Variants in COL8A1 observed in about 807,000 individuals in gnomAD.
COL8A1 encodes collagen alpha-1(VIII) chain.
In COL8A1, 21 loss-of-function variants were observed where a neutral mutation model predicts 42.7. The observed-to-expected ratio is 0.49, with a 90% CI of 0.35 to 0.71. COL8A1 has a LOEUF of 0.71. Among genes scored for constraint, COL8A1 ranks in the 30% least tolerant of loss-of-function variants. The pLI, the probability that COL8A1 is intolerant of heterozygous loss-of-function variation, is 0.01. For missense variants in COL8A1, 788 were observed against 962.4 expected, an observed-to-expected ratio of 0.82 and a Z score of 2.40; for synonymous variants, 367 against 369.1, an observed-to-expected ratio of 0.99 and a Z score of 0.06.
At chr3:99,740,888 CTG>C (rs1940882154) in intron 1 of COL8A1, among the ~76,000 whole-genome samples, 1 of 151,970 alleles carries the variant, frequency 6.6e-6, no homozygotes, top group Non-Finnish European at 1.5e-5. Flanking sequence ...ATTTATTTAA[CTG>C]TATTGATTTT....
intron 1 of COL8A1, among the ~76,000 whole-genome samples, chr3:99,725,230 G>A (rs1017475135): frequency 1.3e-4 from 20 of 151,890 alleles, no homozygotes; most frequent in African/African-American, 4.8e-4. Flanking sequence ...GATTCTCACC[G>A]AACTCTCCCT....
intron 1 of COL8A1, among the ~76,000 whole-genome samples, chr3:99,661,299 TTAAA>T (rs1232728475): frequency 6.6e-6 from 1 of 152,046 alleles, no homozygotes; most frequent in Non-Finnish European, 1.5e-5. Context: ...AACAAAAGAC[TTAAA>T]TAGATATTTC....
At chr3:99,775,994 A>G (rs1392166627) in intron 2 of COL8A1, among the ~76,000 whole-genome samples, 1 of 152,208 alleles carries the variant, frequency 6.6e-6, no homozygotes, top group East Asian at 1.9e-4. Flanking sequence ...ACTTTAATAG[A>G]AATTTCAGGC....
At chr3:99,776,585 C>A (rs1200552497) in intron 2 of COL8A1, among the ~76,000 whole-genome samples, 2 of 152,072 alleles carry the variant, frequency 1.3e-5, no homozygotes, top group South Asian at 4.1e-4. Context: ...GAAAATGTTA[C>A]CGGAAAGGGG....
chr3:99,738,886 C>T (rs916622809), intron 1 of COL8A1, among the ~76,000 whole-genome samples: 5 of 152,144 alleles, frequency 3.3e-5, no homozygotes, highest in Non-Finnish European at 5.9e-5. Context: ...ATTCCGTGGG[C>T]GTAGGACCCT....
In COL8A1 at chr3:99,798,887, T is replaced by C. The variant is rs1942147642; in HGVS notation, c.*2751T>C. ...GTTAACATATTAGTGTAAAAGCAGATGAAACAACCACGTGTTCTAAAGTCT... is the reference window on the plus strand; with the variant it reads ...GTTAACATATTAGTGTAAAAGCAGACGAAACAACCACGTGTTCTAAAGTCT... On this transcript the variant is annotated 3_prime_UTR_variant, in exon 4 of 4. Coordinates refer to ENST00000652472, the MANE Select transcript of COL8A1 (RefSeq NM_020351.4). The C allele has an allele frequency of 6.6e-6, 1 of 152,276 alleles. No homozygotes were observed. The highest frequency in any genetic ancestry group is 1.5e-5 in the Non-Finnish European group (1 of 68,048). The allele number at this position is 152,276 out of a possible 1,614,324, so 9.4% of individuals were successfully genotyped here. A position where few individuals can be genotyped will look rare whatever the true frequency, so the allele number is the denominator to read the frequency against.
intron 1 of COL8A1, among the ~76,000 whole-genome samples, chr3:99,688,208 C>T (rs1251246288): frequency 2.0e-5 from 3 of 152,190 alleles, no homozygotes; most frequent in African/African-American, 7.2e-5. Flanking sequence ...AACAAACCAC[C>T]ACAAATTTAG....
In COL8A1 at chr3:99,794,990, C is replaced by A. The variant is rs150035054; in HGVS notation, c.1089C>A (p.Gly363=). Residue 363 remains glycine (G), a synonymous_variant, in exon 4 of 4, where the codon GGC becomes GGA. Coordinates refer to ENST00000652472, the MANE Select transcript of COL8A1 (RefSeq NM_020351.4). The surrounding 1 kb of genome is among the most constrained non-coding windows in gnomAD (Gnocchi z 4.3). ...PGFPGPKGDR[G]MGGVPGALGP... ...TCCCAGGACCCAAAGGTGACCGGGGCATGGGAGGTGTTCCTGGGGCTCTTG... is the reference window on the plus strand; with the variant it reads ...TCCCAGGACCCAAAGGTGACCGGGGAATGGGAGGTGTTCCTGGGGCTCTTG... The A allele has an allele frequency of 1.5e-4, 245 of 1,606,268 alleles. No homozygotes were observed. In the African/African-American group the frequency reaches 2.7e-3, roughly 18 times the overall value.
At chr3:99,738,314 T>A (rs1940794326) in intron 1 of COL8A1, among the ~76,000 whole-genome samples, 1 of 152,216 alleles carries the variant, frequency 6.6e-6, no homozygotes, top group Non-Finnish European at 1.5e-5. Flanking sequence ...ATTTTTAGAG[T>A]TTCCAGTTTT....
intron 1 of COL8A1, 95 bp downstream of exon 1, chr3:99,638,759 C>T (rs1006170887): frequency 1.3e-5 from 2 of 152,208 alleles, no homozygotes; most frequent in Non-Finnish European, 2.9e-5. Flanking sequence ...TTGGTTAGAG[C>T]TGATTCTTAC....
chr3:99,755,583 A>G (rs953948986), intron 2 of COL8A1, among the ~76,000 whole-genome samples: 7 of 152,326 alleles, frequency 4.6e-5, no homozygotes, highest in African/African-American at 1.7e-4. Flanking sequence ...CAAATAAGGG[A>G]AAGGGATAGA....
intron 2 of COL8A1, among the ~76,000 whole-genome samples, chr3:99,756,770 T>C (rs529853907): frequency 2.0e-5 from 3 of 152,112 alleles, no homozygotes; most frequent in Admixed American, 2.0e-4. Flanking sequence ...CTAAGCATGA[T>C]CAAGAAAACA....
At chr3:99,735,964 G>A (rs1230293071) in intron 1 of COL8A1, among the ~76,000 whole-genome samples, 1 of 151,830 alleles carries the variant, frequency 6.6e-6, no homozygotes, top group Non-Finnish European at 1.5e-5. Context: ...ATTCTCTGAT[G>A]GTAGTTTGTA....
At position 99,795,589 on chromosome 3, in the gene COL8A1, G is replaced by A; in HGVS notation, c.1688G>A (p.Gly563Asp). The A allele has an allele frequency of 6.2e-7, 1 of 1,611,512 alleles. No individual in the cohort carries two copies. The highest frequency in any genetic ancestry group is 8.5e-7 in the Non-Finnish European group (1 of 1,178,472). ...CAGCCTGGCCTTCCAGGACCCCCAG[G>A]CCCTCCAGGACCTCCAGGACCCCCA... ...QGQPGLPGPP[G>D]PPGPPGPPAV... Residue 563 changes from glycine to aspartate, a missense_variant, in exon 4 of 4, where the codon GGC becomes GAC. This residue lies in a region of COL8A1 where 154 missense variants were observed against 182.3 expected (regional missense o/e 0.84). Coordinates refer to ENST00000652472, the MANE Select transcript of COL8A1 (RefSeq NM_020351.4).
At chr3:99,786,672 C>T (rs976667138) in intron 2 of COL8A1, among the ~76,000 whole-genome samples, 9 of 152,294 alleles carry the variant, frequency 5.9e-5, no homozygotes, top group Non-Finnish European at 1.0e-4. Context: ...TCACCTGTCT[C>T]TCCACACTAG....
At chr3:99,664,053 C>T (rs544232794) in intron 1 of COL8A1, among the ~76,000 whole-genome samples, 2 of 152,284 alleles carry the variant, frequency 1.3e-5, no homozygotes, top group Non-Finnish European at 1.5e-5. Flanking sequence ...ATAACAGCAA[C>T]GTTAGCACTG....
intron 1 of COL8A1, among the ~76,000 whole-genome samples, chr3:99,724,298 A>G (rs1048445181): frequency 2.0e-5 from 3 of 152,140 alleles, no homozygotes; most frequent in Non-Finnish European, 2.9e-5. Context: ...ACAAGGGCCC[A>G]ATCAGCAGCT....
At chr3:99,692,886 G>A (rs993850795) in intron 1 of COL8A1, among the ~76,000 whole-genome samples, 5 of 152,232 alleles carry the variant, frequency 3.3e-5, no homozygotes, top group African/African-American at 7.2e-5. Context: ...ATGGCTGGAC[G>A]CGTGGCTCAC....
At chr3:99,728,019 A>C (rs1324970121) in intron 1 of COL8A1, among the ~76,000 whole-genome samples, 1 of 150,008 alleles carries the variant, frequency 6.7e-6, no homozygotes, top group Admixed American at 6.6e-5. Context: ...TCTATGACAA[A>C]CCCACAGCCA....
Sources: gnomAD v4.1 joint callset for allele counts (sites outside exome capture counted in the v4.1 genomes callset) on GRCh38, gnomAD v4.1.1 for gene constraint, gnomAD v4.1.1 regional missense constraint, Gnocchi (gnomAD v3.1) non-coding constraint, MANE v1.5 for transcripts, NCBI Gene and HGNC (gene_info 2026-07-23, HGNC 2026-07-21) for gene names.